Variants in RNF13 observed in about 807,000 individuals in gnomAD.
The protein encoded by RNF13 is E3 ubiquitin-protein ligase RNF13.
In RNF13, 19 loss-of-function variants were observed where a neutral mutation model predicts 37.7. The ratio of observed to expected loss-of-function variants is 0.50; its 90% CI spans 0.35 to 0.74. The LOEUF is 0.74. Ranked by LOEUF, RNF13 falls within the 30% of genes least tolerant of loss-of-function variation. RNF13 has a pLI of 0.01. For synonymous variants in RNF13, 144 were observed against 157.8 expected, an observed-to-expected ratio of 0.91 and a Z score of 0.65; for missense variants, 375 against 453.0, an observed-to-expected ratio of 0.83 and a Z score of 1.56.
At chr3:149,878,834 G>C (rs1259992154) in intron 4 of RNF13, among the ~76,000 whole-genome samples, 1 of 152,128 alleles carries the variant, frequency 6.6e-6, no homozygotes. Flanking sequence ...GGGAGAAAGG[G>C]TATTTTGTGT....
intron 5 of RNF13, among the ~76,000 whole-genome samples, chr3:149,900,520 A>G (rs553979525): frequency 6.6e-6 from 1 of 152,182 alleles, no homozygotes; most frequent in Non-Finnish European, 1.5e-5. Context: ...GCTGTAGTAC[A>G]CAATGGTGCC....
At chr3:149,885,899 G>T (rs1713972252) in intron 4 of RNF13, among the ~76,000 whole-genome samples, 2 of 152,114 alleles carry the variant, frequency 1.3e-5, no homozygotes, top group South Asian at 4.1e-4. Context: ...ATTTTGGTTT[G>T]ATATTTTTAT....
intron 1 of RNF13, among the ~76,000 whole-genome samples, chr3:149,833,118 C>CTTTTTTTTTTT (rs34729566): frequency 8.9e-6 from 1 of 111,904 alleles, no homozygotes; most frequent in Non-Finnish European, 1.7e-5. Context: ...CTCTCTCTCT[C>CTTTTTTTTTTT]TTTTTTTTTT....
chr3:149,814,991 CTA>C (rs1380089727), intron 1 of RNF13, among the ~76,000 whole-genome samples: 1 of 151,266 alleles, frequency 6.6e-6, no homozygotes, highest in East Asian at 1.9e-4. Context: ...CATCTTGTCT[CTA>C]TGTGTAATGC....
intron 8 of RNF13, among the ~76,000 whole-genome samples, chr3:149,945,152 C>T (rs1403491234): frequency 6.6e-6 from 1 of 152,198 alleles, no homozygotes; most frequent in Non-Finnish European, 1.5e-5. Flanking sequence ...GGGCTCTGTT[C>T]TGTTCCATTG....
intron 3 of RNF13, among the ~76,000 whole-genome samples, chr3:149,866,085 A>G (rs1487068715): frequency 6.6e-6 from 1 of 151,654 alleles, no homozygotes; most frequent in Non-Finnish European, 1.5e-5. Flanking sequence ...TGATGTCATG[A>G]CATCTATAAA....
At chr3:149,924,919 C>G (rs1418686471) in intron 8 of RNF13, among the ~76,000 whole-genome samples, 1 of 152,072 alleles carries the variant, frequency 6.6e-6, no homozygotes, top group Admixed American at 6.6e-5. Flanking sequence ...GTGAACTGGC[C>G]TTAGGTAGTA....
In RNF13 at chr3:149,960,980, A is replaced by G. The variant is rs754741830; in HGVS notation, c.1022A>G (p.Tyr341Cys). Reference sequence around the variant, plus strand: ...CAGAACATGACAGAATCTTCAGACTATGAGGAAGACGACAATGAAGATACT... The same window carrying G: ...CAGAACATGACAGAATCTTCAGACTGTGAGGAAGACGACAATGAAGATACT... ...SHQNMTESSD[Y>C]EEDDNEDTDS... Residue 341 changes from tyrosine (Y) to cysteine (C), a missense_variant, in exon 10 of 10, where the codon TAT becomes TGT. Tyr to Cys is a radical substitution (Grantham distance 194). Transcript: ENST00000392894. 6 of 1,614,246 alleles carry G rather than the reference A, an allele frequency of 3.7e-6. No homozygotes were observed. Among genetic ancestry groups the G allele is most frequent in the South Asian group, 1.1e-5 (1 of 91,082 alleles).
At chr3:149,840,328 C>CT (rs1021778601) in intron 1 of RNF13, among the ~76,000 whole-genome samples, 2 of 152,118 alleles carry the variant, frequency 1.3e-5, no homozygotes, top group Admixed American at 6.5e-5. Context: ...ATATTCTCTA[C>CT]TTTGAACTTT....
At chr3:149,906,645 CTTTTTTTT>C (rs35801459) in intron 6 of RNF13, among the ~76,000 whole-genome samples, 1 of 79,154 alleles carries the variant, frequency 1.3e-5, no homozygotes, top group Non-Finnish European at 2.2e-5. Context: ...TTCAATTCTG[CTTTTTTTT>C]TTTTTTTTTT....
chr3:149,830,701 A>G (rs546986474), intron 1 of RNF13, among the ~76,000 whole-genome samples: 2 of 150,808 alleles, frequency 1.3e-5, no homozygotes, highest in Admixed American at 1.3e-4. Flanking sequence ...GAGACATTCA[A>G]GCCAGCTGTA....
At chr3:149,879,122 G>A (rs1289192959) in intron 4 of RNF13, among the ~76,000 whole-genome samples, 1 of 152,022 alleles carries the variant, frequency 6.6e-6, no homozygotes, top group Non-Finnish European at 1.5e-5. Context: ...TTTTCGTTTT[G>A]ACTTTTCACC....
intron 4 of RNF13, among the ~76,000 whole-genome samples, chr3:149,885,804 C>T (rs898918863): frequency 2.6e-5 from 4 of 152,068 alleles, no homozygotes; most frequent in Non-Finnish European, 5.9e-5. Context: ...GAAATTTTTG[C>T]CCAGACAAAT....
chr3:149,879,348 C>T (rs966054667), intron 4 of RNF13, among the ~76,000 whole-genome samples: 8 of 139,124 alleles, frequency 5.8e-5, no homozygotes, highest in Non-Finnish European at 9.1e-5. Flanking sequence ...TATACTGTTG[C>T]CTGGGCTGGA....
intron 4 of RNF13, among the ~76,000 whole-genome samples, chr3:149,889,292 CGTGTGTGTGT>C (rs376618726): frequency 2.2e-5 from 3 of 138,122 alleles, no homozygotes; most frequent in South Asian, 2.4e-4. Context: ...TTTGAGTGTG[CGTGTGTGTGT>C]GTGTGTGTGT....
intron 1 of RNF13, among the ~76,000 whole-genome samples, chr3:149,833,891 A>G (rs1012607832): frequency 6.6e-6 from 1 of 152,210 alleles, no homozygotes; most frequent in African/African-American, 2.4e-5. Flanking sequence ...AAAATATCTG[A>G]TAGAACTATT....
intron 3 of RNF13, among the ~76,000 whole-genome samples, chr3:149,860,137 G>A (rs1279573444): frequency 6.6e-6 from 1 of 151,004 alleles, no homozygotes; most frequent in Admixed American, 6.6e-5. Flanking sequence ...ATGGTGGTGG[G>A]CACCTGTAGT....
At chr3:149,959,877 G>A (rs1722212483) in intron 8 of RNF13, 179 bp from the exon 9 acceptor site, 5 of 457,146 alleles carry the variant, frequency 1.1e-5, no homozygotes, top group South Asian at 8.1e-5. Flanking sequence ...AACTAGTTTA[G>A]GTAAAATGTT....
intron 1 of RNF13, among the ~76,000 whole-genome samples, chr3:149,829,068 A>C (rs960080655): frequency 1.3e-5 from 2 of 152,180 alleles, no homozygotes; most frequent in South Asian, 2.1e-4. Context: ...ATTGGTATGA[A>C]GGCCCTGAGA....
Sources: gnomAD v4.1 joint callset for allele counts (sites outside exome capture counted in the v4.1 genomes callset) on GRCh38, gnomAD v4.1.1 for gene constraint, MANE v1.5 for transcripts, NCBI Gene and HGNC (gene_info 2026-07-23, HGNC 2026-07-21) for gene names.